Variants in TMEM45B observed in about 807,000 individuals in gnomAD.
The protein encoded by TMEM45B is transmembrane protein 45B.
In TMEM45B, 29 loss-of-function variants were observed where a neutral mutation model predicts 27.3. That is an observed-to-expected ratio of 1.06 (90% CI 0.79 to 1.45). The LOEUF is 1.45. Ranked by LOEUF, TMEM45B falls within the 40% of genes most tolerant of loss-of-function variation. The pLI, the probability that TMEM45B is intolerant of heterozygous loss-of-function variation, is 0.00. For synonymous variants in TMEM45B, 143 were observed against 134.7 expected, an observed-to-expected ratio of 1.06 and a Z score of -0.43; for missense variants, 348 against 343.9, an observed-to-expected ratio of 1.01 and a Z score of -0.09.
At chr11:129,851,694 G>A (rs1947849078) in intron 1 of TMEM45B, among the ~76,000 whole-genome samples, 1 of 152,040 alleles carries the variant, frequency 6.6e-6, no homozygotes, top group South Asian at 2.1e-4. Context: ...AGGCCAGTGG[G>A]GAAAATAATC....
In TMEM45B at chr11:129,857,389, CCAT is replaced by C; in HGVS notation, c.648_650del (p.Met217del). Reference sequence around the variant, plus strand: ...GATGATGCCAACCTCATGTTCATCACCATGTGCTTCTGCTGGCACTACCTGGCT... The same window carrying C: ...GATGATGCCAACCTCATGTTCATCACGTGCTTCTGCTGGCACTACCTGGCT... On this transcript the variant is annotated inframe_deletion, in exon 5 of 6. Transcript: ENST00000281441. 1 of 1,614,180 alleles carries C rather than the reference CCAT, an allele frequency of 6.2e-7. No individual in the cohort carries two copies. The highest frequency in any genetic ancestry group is 1.1e-5 in the South Asian group (1 of 91,088).
chr11:129,844,620 AG>A (rs1348540639), intron 1 of TMEM45B, among the ~76,000 whole-genome samples: 1 of 152,220 alleles, frequency 6.6e-6, no homozygotes, highest in East Asian at 1.9e-4. Context: ...CAAGAAGTTC[AG>A]GGCTGCAGTG....
chr11:129,837,174 A>G (rs1169420906), intron 1 of TMEM45B, among the ~76,000 whole-genome samples: 2 of 148,976 alleles, frequency 1.3e-5, no homozygotes, highest in Non-Finnish European at 1.5e-5. Flanking sequence ...AATCCCACTT[A>G]CTCCCTCTTA....
chr11:129,853,115 TAG>T (rs1565373198), intron 2 of TMEM45B, among the ~76,000 whole-genome samples: 2 of 152,148 alleles, frequency 1.3e-5, no homozygotes, highest in African/African-American at 4.8e-5. Flanking sequence ...CAAGCGCTTA[TAG>T]AGAGTTTATG....
chr11:129,837,722 T>C (rs1795482497), intron 1 of TMEM45B, among the ~76,000 whole-genome samples: 1 of 150,442 alleles, frequency 6.6e-6, no homozygotes, highest in Non-Finnish European at 1.5e-5. Context: ...GCTAATTTTT[T>C]TTTTCTTTTC....
intron 1 of TMEM45B, among the ~76,000 whole-genome samples, chr11:129,824,591 G>A (rs1947457363): frequency 1.3e-5 from 2 of 152,198 alleles, no homozygotes; most frequent in African/African-American, 4.8e-5. Context: ...AGGAGATGGT[G>A]TTCTCTTGAT....
At chr11:129,852,981 T>A in intron 2 of TMEM45B, 1 of 207,596 alleles carries the variant, frequency 4.8e-6, no homozygotes. Flanking sequence ...ACAAAATAGA[T>A]TAGGCTCACG....
intron 1 of TMEM45B, among the ~76,000 whole-genome samples, chr11:129,846,983 A>T (rs551088464): frequency 1.3e-5 from 2 of 152,312 alleles, no homozygotes; most frequent in East Asian, 1.9e-4. Context: ...AGGATCGTAT[A>T]TGGCCTTATT....
At chr11:129,816,143 C>A (rs1486033225) in intron 1 of TMEM45B, among the ~76,000 whole-genome samples, 2 of 152,150 alleles carry the variant, frequency 1.3e-5, no homozygotes, top group African/African-American at 4.8e-5. Flanking sequence ...GGCTGCGGAA[C>A]CGGTGCGCAC....
At chr11:129,846,676 G>C (rs1394347965) in intron 1 of TMEM45B, among the ~76,000 whole-genome samples, 1 of 152,122 alleles carries the variant, frequency 6.6e-6, no homozygotes. Context: ...AAAAAAATCA[G>C]TCTGCAATAT....
chr11:129,828,486 G>A (rs1947512533), intron 1 of TMEM45B, among the ~76,000 whole-genome samples: 1 of 152,178 alleles, frequency 6.6e-6, no homozygotes, highest in African/African-American at 2.4e-5. Context: ...CTTAGTTGAA[G>A]TTCAGGACTG....
At chr11:129,848,041 C>A (rs1947790661) in intron 1 of TMEM45B, among the ~76,000 whole-genome samples, 1 of 151,488 alleles carries the variant, frequency 6.6e-6, no homozygotes, top group Admixed American at 6.6e-5. Context: ...GACTGGGCAG[C>A]CAGGCAGAGG....
At chr11:129,823,567 T>C (rs1272041075) in intron 1 of TMEM45B, among the ~76,000 whole-genome samples, 2 of 152,202 alleles carry the variant, frequency 1.3e-5, no homozygotes, top group Admixed American at 6.5e-5. Flanking sequence ...CTATTATCTG[T>C]TTTAAACTAG....
At chr11:129,839,270 G>T (rs1393001478) in intron 1 of TMEM45B, among the ~76,000 whole-genome samples, 1 of 152,118 alleles carries the variant, frequency 6.6e-6, no homozygotes, top group African/African-American at 2.4e-5. Context: ...CAGATCAGCT[G>T]GGGATTTAAT....
intron 2 of TMEM45B, 137 bp from the exon 3 acceptor site, chr11:129,854,473 A>G: frequency 2.7e-6 from 2 of 751,002 alleles, no homozygotes; most frequent in Non-Finnish European, 4.5e-6. Context: ...CTGAGGCAGC[A>G]AAGTAGCTCT....
At chr11:129,839,472 A>T (rs945601638) in intron 1 of TMEM45B, among the ~76,000 whole-genome samples, 15 of 152,146 alleles carry the variant, frequency 9.9e-5, no homozygotes, top group African/African-American at 3.4e-4. Flanking sequence ...TGTGAAATTT[A>T]AAAAAAAGGA....
At chr11:129,840,100 C>T (rs1591442704) in intron 1 of TMEM45B, among the ~76,000 whole-genome samples, 1 of 152,282 alleles carries the variant, frequency 6.6e-6, no homozygotes, top group Non-Finnish European at 1.5e-5. Context: ...CTTATTCCTC[C>T]TGTAACTAAA....
intron 1 of TMEM45B, among the ~76,000 whole-genome samples, chr11:129,842,419 A>G (rs1272480676): frequency 6.6e-6 from 1 of 152,236 alleles, no homozygotes; most frequent in African/African-American, 2.4e-5. Flanking sequence ...AGCAATCAAA[A>G]CAATATAGTA....
Position 129,855,726 on chromosome 11 carries a change from A to ACGTC in TMEM45B, c.406_409dup (p.His137ArgfsTer25). The ACGTC allele has an allele frequency of 1.2e-6, 2 of 1,614,098 alleles. No individual in the cohort carries two copies. The highest frequency in any genetic ancestry group is 8.5e-7 in the Non-Finnish European group (1 of 1,180,018). ...GTGGCAGGTTTCCTCTTCTACTACC[A>ACGTC]CGTCCACAACCGGCCTCCGCTGGAC... On this transcript the variant is annotated frameshift_variant, in exon 4 of 6. Coordinates refer to ENST00000281441, the MANE Select transcript of TMEM45B (RefSeq NM_138788.5). LOFTEE classifies it high-confidence loss of function.
Sources: gnomAD v4.1 joint callset for allele counts (sites outside exome capture counted in the v4.1 genomes callset) on GRCh38, gnomAD v4.1.1 for gene constraint, MANE v1.5 for transcripts, NCBI Gene and HGNC (gene_info 2026-07-23, HGNC 2026-07-21) for gene names.